The following MAP4 variants were observed in gnomAD, a reference collection of about 807,000 sequenced individuals.
MAP4 encodes microtubule associated protein 4.
In MAP4, 76 loss-of-function variants were observed where a neutral mutation model predicts 170.2. The observed-to-expected ratio is 0.45, with a 90% CI of 0.37 to 0.54. MAP4 has a LOEUF of 0.54. MAP4 is among the 20% of genes least tolerant of loss of function. The probability of loss-of-function intolerance (pLI) is 0.00; values close to 1 mark genes in which losing one functional copy is unlikely to be tolerated. For missense variants in MAP4, 2,506 were observed against 2,748.0 expected, an observed-to-expected ratio of 0.91 and a Z score of 1.97; for synonymous variants, 909 against 994.5, an observed-to-expected ratio of 0.91 and a Z score of 1.62.
In MAP4 at chr3:48,086,138, G is replaced by A. The variant is rs115731016; in HGVS notation, c.-20+2635C>T. 4.1e-3 allele frequency among the ~76,000 whole-genome samples: 621 copies of A among 151,154 alleles called. 6 individuals are homozygous for A. The highest frequency in any genetic ancestry group is 0.014 in the African/African-American group (591 of 40,946). On this transcript the variant is annotated intron_variant, in intron 1 of 18. Transcript: ENST00000360240. ...TATGTATATATGTATGTGTGTGCAC[G>A]TATATACACACACTCACACACACAC...
At chr3:48,024,840 G>A (rs947264484) in intron 1 of MAP4, among the ~76,000 whole-genome samples, 1 of 152,218 alleles carries the variant, frequency 6.6e-6, no homozygotes, top group South Asian at 2.1e-4. Flanking sequence ...CAGGTCTCCT[G>A]ACTTTCTATT....
intron 1 of MAP4, among the ~76,000 whole-genome samples, chr3:48,026,580 T>G (rs1374954005): frequency 2.6e-5 from 4 of 152,232 alleles, no homozygotes; most frequent in Non-Finnish European, 5.9e-5. Context: ...TAGAAGAATC[T>G]TAATCTTCCT....
chr3:47,973,951 G>A (rs555543507), intron 3 of MAP4: 1 of 985,364 alleles, frequency 1.0e-6, no homozygotes, highest in African/African-American at 1.7e-5. Flanking sequence ...ACCCTCAAGT[G>A]TCTTCTGTCC....
intron 17 of MAP4, among the ~76,000 whole-genome samples, chr3:47,861,042 A>G (rs1335262317): frequency 6.6e-6 from 1 of 152,014 alleles, no homozygotes; most frequent in Non-Finnish European, 1.5e-5. Context: ...TGGCCAACAC[A>G]GTGAGACCCT....
At chr3:47,922,833 A>C (rs571720680) in intron 4 of MAP4, among the ~76,000 whole-genome samples, 5 of 152,306 alleles carry the variant, frequency 3.3e-5, no homozygotes, top group African/African-American at 1.2e-4. Flanking sequence ...GCGGATCACG[A>C]GGTCTGGAGA....
intron 1 of MAP4, among the ~76,000 whole-genome samples, chr3:48,005,218 G>A (rs58069364): frequency 3.9e-5 from 6 of 152,206 alleles, no homozygotes; most frequent in South Asian, 2.1e-4. Context: ...AAAATTAGCC[G>A]GGCGTGGTGG....
At chr3:47,883,630 C>G (rs1559893078) in intron 10 of MAP4, among the ~76,000 whole-genome samples, 2 of 152,344 alleles carry the variant, frequency 1.3e-5, no homozygotes, top group East Asian at 3.9e-4. Flanking sequence ...TTTAGCCATT[C>G]TCTAAGGGTA....
Position 47,916,387 on chromosome 3 carries a change from T to G in MAP4, c.1440A>C (p.Gln480His). The G allele has an allele frequency of 6.2e-7, 1 of 1,614,118 alleles. No individual in the cohort carries two copies. Among genetic ancestry groups the G allele is most frequent in the South Asian group, 1.1e-5 (1 of 91,078 alleles). ...AEVAPVKDMA[Q>H]LPETEIAPAK... Reference sequence around the variant, plus strand: ...CCGGGGCTATTTCTGTTTCTGGGAGTTGAGCCATGTCCTTGACTGGGGCCA... The same window carrying G: ...CCGGGGCTATTTCTGTTTCTGGGAGGTGAGCCATGTCCTTGACTGGGGCCA... The change falls in exon 7 of 21, where the codon CAA becomes CAC. Residue 480 changes from glutamine (Q) to histidine (H), a missense_variant. By Grantham distance (24) the Gln-to-His change is conservative (BLOSUM62 0). Transcript: ENST00000683076.
chr3:48,036,185 C>G (rs536482607), intron 1 of MAP4, among the ~76,000 whole-genome samples: 2 of 152,220 alleles, frequency 1.3e-5, no homozygotes, highest in African/African-American at 4.8e-5. Context: ...ATAGCAAGCT[C>G]TATGCAAAGC....
chr3:47,889,050 G>A (rs2098139472), intron 10 of MAP4, among the ~76,000 whole-genome samples: 1 of 152,220 alleles, frequency 6.6e-6, no homozygotes, highest in South Asian at 2.1e-4. Context: ...TGGCCACAGA[G>A]CTCAAACCAT....
chr3:48,043,649 A>G (rs538461328), intron 1 of MAP4, among the ~76,000 whole-genome samples: 12 of 152,338 alleles, frequency 7.9e-5, no homozygotes, highest in Non-Finnish European at 1.5e-4. Flanking sequence ...TTAGAGATGC[A>G]TATACAAACT....
intron 3 of MAP4, among the ~76,000 whole-genome samples, chr3:47,970,938 A>G (rs1314197523): frequency 6.6e-6 from 1 of 152,256 alleles, no homozygotes; most frequent in Non-Finnish European, 1.5e-5. Flanking sequence ...GGCTTAGAGT[A>G]TTAATTAAAT....
At chr3:47,970,242 T>A (rs985517768) in intron 3 of MAP4, among the ~76,000 whole-genome samples, 1 of 151,844 alleles carries the variant, frequency 6.6e-6, no homozygotes. Flanking sequence ...TCCCAGCACT[T>A]TGGGAGGCCG....
intron 1 of MAP4, chr3:48,039,337 C>T (rs2100120433): frequency 6.5e-6 from 1 of 152,816 alleles, no homozygotes; most frequent in Non-Finnish European, 1.5e-5. Flanking sequence ...GTGCAGAGCC[C>T]CAATTCTTAC....
chr3:47,992,303 TTTC>T (rs1363966145), intron 2 of MAP4, among the ~76,000 whole-genome samples: 8 of 152,224 alleles, frequency 5.3e-5, no homozygotes, highest in African/African-American at 1.9e-4. Flanking sequence ...TTCCTTCGTT[TTTC>T]TTATTTGATG....
chr3:48,038,430 T>G (rs1446703066), intron 1 of MAP4, among the ~76,000 whole-genome samples: 1 of 150,320 alleles, frequency 6.7e-6, no homozygotes, highest in Non-Finnish European at 1.5e-5. Context: ...AAATCAATAC[T>G]CATCCATACT....
In MAP4 at chr3:47,910,510, T is replaced by C. The variant is rs1243866607; in HGVS notation, c.3911A>G (p.Asn1304Ser). 1 of 1,535,908 alleles carries C rather than the reference T, an allele frequency of 6.5e-7. No homozygotes were observed. The highest frequency in any genetic ancestry group is 8.7e-7 in the Non-Finnish European group (1 of 1,146,906). Residue 1304 changes from asparagine (N) to serine (S), a missense_variant, in exon 9 of 21, where the codon AAC becomes AGC. By Grantham distance (46) the Asn-to-Ser change is conservative (BLOSUM62 1). This residue lies in a region of MAP4 where 2,008 missense variants were observed against 2,206.0 expected (regional missense o/e 0.91). Transcript: ENST00000683076. ...AGAAGCCTTGACTGTGCTTATCTTGTTTTCCCCAAGAGTCCCAAGCTCAAC... is the reference window on the plus strand; with the variant it reads ...AGAAGCCTTGACTGTGCTTATCTTGCTTTCCCCAAGAGTCCCAAGCTCAAC... ...NFVELGTLGE[N>S]KISTVKASTV... is the part of the protein sequence containing the mutation.
intron 2 of MAP4, among the ~76,000 whole-genome samples, chr3:47,986,970 CA>C (rs1216187879): frequency 2.6e-5 from 4 of 152,164 alleles, no homozygotes; most frequent in Non-Finnish European, 5.9e-5. Context: ...AAACAAAAAC[CA>C]TTTCAATTCA....
At chr3:47,892,379 C>A in intron 10 of MAP4, 2 of 1,536,232 alleles carry the variant, frequency 1.3e-6, no homozygotes, top group Non-Finnish European at 1.7e-6. Context: ...CCATTCGAAT[C>A]CGGCTTGACT....
Sources: gnomAD v4.1 joint callset for allele counts (sites outside exome capture counted in the v4.1 genomes callset) on GRCh38, gnomAD v4.1.1 for gene constraint, gnomAD v4.1.1 regional missense constraint, MANE v1.5 for transcripts, NCBI Gene and HGNC (gene_info 2026-07-23, HGNC 2026-07-21) for gene names.